The following UNC13C variants were observed in gnomAD, a reference collection of about 807,000 sequenced individuals.
UNC13C encodes protein unc-13 homolog C.
In UNC13C, 174 loss-of-function variants were observed where a neutral mutation model predicts 245.4. The ratio of observed to expected loss-of-function variants is 0.71; its 90% CI spans 0.63 to 0.80. UNC13C has a LOEUF of 0.80. Ranked by LOEUF, UNC13C falls within the 30% of genes least tolerant of loss-of-function variation. The pLI is 0.00. For missense variants in UNC13C, 2,829 were observed against 2,602.9 expected (o/e 1.09, Z -1.89); for synonymous variants, 992 against 895.1 (o/e 1.11, Z -1.93).
At chr15:54,593,772 G>T (rs1308022128) in intron 30 of UNC13C, among the ~76,000 whole-genome samples, 3 of 152,158 alleles carry the variant, frequency 2.0e-5, no homozygotes, top group Admixed American at 6.5e-5. Flanking sequence ...ACCAGGCTTT[G>T]CCTTTCTCTG....
the UNC13C span, among the ~76,000 whole-genome samples, chr15:53,930,363 T>C: frequency 1.3e-5 from 2 of 152,164 alleles, no homozygotes; most frequent in East Asian, 3.9e-4. Flanking sequence ...AAGGCCAGAT[T>C]CAAAGGAGGG....
intron 4 of UNC13C, among the ~76,000 whole-genome samples, chr15:54,229,763 C>T (rs1287102749): frequency 6.6e-6 from 1 of 152,030 alleles, no homozygotes; most frequent in East Asian, 1.9e-4. Flanking sequence ...ATCTTTTGAC[C>T]AATATCTCCC....
the UNC13C span, among the ~76,000 whole-genome samples, chr15:53,852,114 C>A: frequency 6.6e-6 from 1 of 152,116 alleles, no homozygotes; most frequent in Non-Finnish European, 1.5e-5. Flanking sequence ...GACAGTCTTG[C>A]AGGATTCAGC....
At chr15:54,522,415 T>C (rs1173018781) in intron 24 of UNC13C, among the ~76,000 whole-genome samples, 1 of 151,444 alleles carries the variant, frequency 6.6e-6, no homozygotes, top group Admixed American at 6.6e-5. Context: ...GAGGTGGAGG[T>C]TGCAGTGAGC....
intron 2 of UNC13C, among the ~76,000 whole-genome samples, chr15:54,117,457 T>C (rs2030333118): frequency 1.3e-5 from 2 of 152,070 alleles, no homozygotes; most frequent in South Asian, 2.1e-4. Flanking sequence ...TTGTATATGA[T>C]GTGAGGTAGA....
At chr15:54,094,665 T>G (rs1304324854) in intron 2 of UNC13C, among the ~76,000 whole-genome samples, 2 of 152,210 alleles carry the variant, frequency 1.3e-5, no homozygotes, top group Non-Finnish European at 2.9e-5. Flanking sequence ...AAATGTCCTT[T>G]GAACACTTCC....
At chr15:54,125,318 C>A (rs1223357670) in intron 2 of UNC13C, among the ~76,000 whole-genome samples, 1 of 152,054 alleles carries the variant, frequency 6.6e-6, no homozygotes, top group Non-Finnish European at 1.5e-5. Flanking sequence ...AAAAAATTAG[C>A]CTGGCATGGT....
rs796241250 is a variant in UNC13C, at chr15:54,297,714, CG to C, written c.3989-96del. On this transcript the variant is annotated intron_variant, in intron 11 of 32. Transcript: ENST00000260323. ...AAAAATAGCTTTTAGCTACTTAAGC[CG>C]TTTTTTTGTTTTTTTGTTTTTTAGC... 29 of 860,222 alleles carry C rather than the reference CG, an allele frequency of 3.4e-5. 2 individuals are homozygous for C. The African/African-American group carries it at 4.5e-4, about 13-fold the overall frequency. 53.3% of individuals were successfully genotyped at this position (860,222 alleles called of 1,614,324 possible).
At chr15:53,880,030 A>C in the UNC13C span, among the ~76,000 whole-genome samples, 2 of 152,010 alleles carry the variant, frequency 1.3e-5, no homozygotes, top group African/African-American at 4.8e-5. Context: ...TTTATCAAGG[A>C]TGACTGGCAT....
At chr15:54,041,346 T>C (rs1225549630) in intron 2 of UNC13C, among the ~76,000 whole-genome samples, 2 of 152,224 alleles carry the variant, frequency 1.3e-5, no homozygotes. Flanking sequence ...ATTTTCTTTT[T>C]GTGATTATAA....
At chr15:54,112,636 C>G (rs1371353816) in intron 2 of UNC13C, among the ~76,000 whole-genome samples, 2 of 152,170 alleles carry the variant, frequency 1.3e-5, no homozygotes, top group African/African-American at 4.8e-5. Context: ...AAGCTTCCAG[C>G]TTGCTTATCT....
intron 2 of UNC13C, chr15:54,050,232 A>G (rs1897219378): frequency 3.7e-6 from 2 of 534,714 alleles, no homozygotes; most frequent in South Asian, 1.4e-5. Flanking sequence ...TCAGCCTCCC[A>G]AAGTTCTGGT....
At chr15:54,242,331 A>T (rs1010961694) in intron 7 of UNC13C, among the ~76,000 whole-genome samples, 2 of 152,142 alleles carry the variant, frequency 1.3e-5, no homozygotes, top group Non-Finnish European at 2.9e-5. Flanking sequence ...TAATATAGTG[A>T]TTATGTTCCC....
At chr15:53,993,228 A>G (rs1894469698) in intron 1 of UNC13C, among the ~76,000 whole-genome samples, 1 of 152,146 alleles carries the variant, frequency 6.6e-6, no homozygotes. Context: ...CTGAGCTGCA[A>G]TGCATTTGCA....
chr15:53,898,724 A>G, the UNC13C span, among the ~76,000 whole-genome samples: 3 of 152,228 alleles, frequency 2.0e-5, no homozygotes, highest in African/African-American at 7.2e-5. Context: ...ACATTGTGAA[A>G]TGATTCTATA....
intron 26 of UNC13C, among the ~76,000 whole-genome samples, chr15:54,544,326 CCACAGCCAA>C (rs1463091462): frequency 1.3e-4 from 20 of 152,168 alleles, no homozygotes; most frequent in African/African-American, 4.8e-4. Flanking sequence ...TATGACAAAC[CCACAGCCAA>C]TATCATACTG....
chr15:54,052,447 T>C (rs1049056526), intron 2 of UNC13C, among the ~76,000 whole-genome samples: 24 of 151,596 alleles, frequency 1.6e-4, no homozygotes, highest in Middle Eastern at 3.4e-3. Context: ...TTTTAATGAT[T>C]GCCATTCTAA....
chr15:54,034,325 G>T (rs1896483920), intron 2 of UNC13C, among the ~76,000 whole-genome samples: 1 of 152,162 alleles, frequency 6.6e-6, no homozygotes, highest in African/African-American at 2.4e-5. Flanking sequence ...TGTCTTAGGT[G>T]TTAGGCATGA....
intron 1 of UNC13C, among the ~76,000 whole-genome samples, chr15:54,006,722 T>C (rs17731916): frequency 0.094 from 14,330 of 152,308 alleles, 851 homozygotes; most frequent in East Asian, 0.16. Flanking sequence ...TTGCTCATCA[T>C]CTGCCTTGTC....
Sources: gnomAD v4.1 joint callset for allele counts (sites outside exome capture counted in the v4.1 genomes callset) on GRCh38, gnomAD v4.1.1 for gene constraint, MANE v1.5 for transcripts, NCBI Gene and HGNC (gene_info 2026-07-23, HGNC 2026-07-21) for gene names.